NOX4: variants seen among roughly 807,000 people sequenced by gnomAD.
NOX4 encodes the protein NADPH oxidase 4.
In NOX4, 69 loss-of-function variants were observed where a neutral mutation model predicts 87.6. The ratio of observed to expected loss-of-function variants is 0.79; its 90% CI spans 0.65 to 0.96. The LOEUF is 0.96. NOX4 is among the 40% of genes least tolerant of loss of function. NOX4 has a pLI of 0.00. For missense variants in NOX4, 680 were observed against 681.5 expected, an observed-to-expected ratio of 1.00 and a Z score of 0.02; for synonymous variants, 275 against 238.2, an observed-to-expected ratio of 1.15 and a Z score of -1.42.
upstream of NOX4, among the ~76,000 whole-genome samples, chr11:89,501,948 C>T (rs1947026526): frequency 6.6e-6 from 1 of 152,006 alleles, no homozygotes; most frequent in Non-Finnish European, 1.5e-5. Context: ...TATCCTGTCC[C>T]TACTCCACCA....
intron 2 of NOX4, among the ~76,000 whole-genome samples, chr11:89,489,156 T>G (rs1946745553): frequency 6.6e-6 from 1 of 152,216 alleles, no homozygotes; most frequent in Non-Finnish European, 1.5e-5. Flanking sequence ...TTAATTCAAC[T>G]GCAACTTGTT....
the NOX4 span, among the ~76,000 whole-genome samples, chr11:89,576,684 C>T: frequency 6.6e-6 from 1 of 152,102 alleles, no homozygotes; most frequent in East Asian, 1.9e-4. Flanking sequence ...GAGTATTTCT[C>T]AAAAAGCTTT....
chr11:89,449,925 G>A (rs925819969), intron 3 of NOX4, among the ~76,000 whole-genome samples: 3 of 152,016 alleles, frequency 2.0e-5, no homozygotes, highest in African/African-American at 7.2e-5. Flanking sequence ...CATATTTCTG[G>A]AATGTTTAAG....
chr11:89,336,546 T>A (rs1411267471), intron 16 of NOX4, among the ~76,000 whole-genome samples: 1 of 151,924 alleles, frequency 6.6e-6, no homozygotes, highest in Non-Finnish European at 1.5e-5. Context: ...GTGAACAGGC[T>A]CCTGTTTGCA....
intron 11 of NOX4, among the ~76,000 whole-genome samples, chr11:89,390,200 G>T (rs1941031693): frequency 6.6e-6 from 1 of 152,188 alleles, no homozygotes; most frequent in African/African-American, 2.4e-5. Context: ...TAGCATAATA[G>T]CATAATGTAA....
chr11:89,358,516 T>C (rs1938264112), intron 12 of NOX4, among the ~76,000 whole-genome samples: 1 of 151,454 alleles, frequency 6.6e-6, no homozygotes, highest in Admixed American at 6.6e-5. Context: ...TATTAATAAA[T>C]TCTTAAATGT....
intron 17 of NOX4, among the ~76,000 whole-genome samples, chr11:89,329,332 T>C (rs1945356643): frequency 8.1e-6 from 1 of 123,816 alleles, no homozygotes; most frequent in South Asian, 2.6e-4. Context: ...ATTATCCAAA[T>C]TGAAGCCCAC....
intron 6 of NOX4, among the ~76,000 whole-genome samples, chr11:89,437,127 C>T (rs539396274): frequency 2.0e-5 from 3 of 151,880 alleles, no homozygotes; most frequent in Non-Finnish European, 4.4e-5. Context: ...CTTTGGGAGG[C>T]TGAGGCAAGC....
At chr11:89,584,999 T>C in the NOX4 span, among the ~76,000 whole-genome samples, 1,517 of 152,214 alleles carry the variant, frequency 1.0e-2, 29 homozygotes, top group African/African-American at 0.035. Flanking sequence ...ATTACTTCTA[T>C]TTATGCAGTA....
chr11:89,511,364 T>G, the NOX4 span, among the ~76,000 whole-genome samples: 1 of 149,664 alleles, frequency 6.7e-6, no homozygotes. Context: ...ATTAAAATTT[T>G]ATACCCTTTT....
chr11:89,564,775 C>T, the NOX4 span, among the ~76,000 whole-genome samples: 8 of 150,948 alleles, frequency 5.3e-5, no homozygotes, highest in African/African-American at 1.7e-4. Flanking sequence ...AATAGTTTCC[C>T]ATCCCAATGT....
chr11:89,399,432 A>AAAATATATAT (rs1290741300), intron 11 of NOX4, among the ~76,000 whole-genome samples: 24 of 75,648 alleles, frequency 3.2e-4, no homozygotes, highest in African/African-American at 1.2e-3. Context: ...CAAGAAATTA[A>AAAATATATAT]ATATATATAT....
At position 89,384,486 on chromosome 11, in the gene NOX4, A is replaced by G. The variant is rs190980846; in HGVS notation, c.1075-10994T>C. On this transcript the variant is annotated intron_variant, in intron 11 of 17. Coordinates refer to ENST00000263317, the MANE Select transcript of NOX4 (RefSeq NM_016931.5). ...TGATCATGTCTGGCTAATCTCCCAA[A>G]CCCCAACCACTTCTACAAAACAACA... Among the ~76,000 whole-genome samples the G allele has an allele frequency of 2.7e-3, 410 of 152,024 alleles. 2 individuals carry two copies. Among genetic ancestry groups the G allele is most frequent in the African/African-American group, 9.4e-3 (388 of 41,456 alleles).
At position 89,437,801 on chromosome 11, in the gene NOX4, C is replaced by T. The variant is rs112832611; in HGVS notation, c.475+2887G>A. 2.2e-3 allele frequency among the ~76,000 whole-genome samples: 340 copies of T among 152,100 alleles called. 1 individual carries two copies. Among genetic ancestry groups the T allele is most frequent in the Non-Finnish European group, 3.9e-3 (264 of 67,998 alleles). On this transcript the variant is annotated intron_variant, in intron 6 of 17. Transcript: ENST00000263317. ...TTACAGTCATCCTTCAATATCCATG[C>T]GATTGGTTCCAGGACCCCTCACAGA...
At chr11:89,468,169 C>T (rs1565329394) in intron 2 of NOX4, among the ~76,000 whole-genome samples, 1 of 152,162 alleles carries the variant, frequency 6.6e-6, no homozygotes. Context: ...TTCCACATAA[C>T]AGGCTGTTCC....
At chr11:89,466,881 C>A (rs148256823) in intron 2 of NOX4, among the ~76,000 whole-genome samples, 1 of 152,016 alleles carries the variant, frequency 6.6e-6, no homozygotes, top group South Asian at 2.1e-4. Context: ...AGAGGGACAT[C>A]CATGCAGGGA....
chr11:89,458,436 TAAAAC>T (rs896265067), intron 2 of NOX4, among the ~76,000 whole-genome samples: 1 of 151,880 alleles, frequency 6.6e-6, no homozygotes, highest in Non-Finnish European at 1.5e-5. Flanking sequence ...CAAAAGCAAT[TAAAAC>T]AAAACCAAAA....
the NOX4 span, among the ~76,000 whole-genome samples, chr11:89,575,761 TC>T: frequency 6.6e-6 from 1 of 152,126 alleles, no homozygotes; most frequent in Non-Finnish European, 1.5e-5. Context: ...CCTTCTTCTT[TC>T]TTCTACTTCA....
chr11:89,449,654 A>G (rs1445903579), intron 3 of NOX4, 130 bp from the exon 4 acceptor site: 1 of 616,166 alleles, frequency 1.6e-6, no homozygotes, highest in African/African-American at 1.9e-5. Flanking sequence ...AATTGGTGAG[A>G]TGAATTATGA....
Sources: gnomAD v4.1 joint callset for allele counts (sites outside exome capture counted in the v4.1 genomes callset) on GRCh38, gnomAD v4.1.1 for gene constraint, MANE v1.5 for transcripts, NCBI Gene and HGNC (gene_info 2026-07-23, HGNC 2026-07-21) for gene names.